PEBP4: variants seen among roughly 807,000 people sequenced by gnomAD.
PEBP4 encodes phosphatidylethanolamine-binding protein 4.
In PEBP4, 22 loss-of-function variants were observed where a neutral mutation model predicts 23.9. The observed-to-expected ratio is 0.92, with a 90% CI of 0.66 to 1.31. PEBP4 has a LOEUF of 1.31. Ranked by LOEUF, PEBP4 falls within the 40% of genes most tolerant of loss-of-function variation. PEBP4 has a pLI of 0.00. For synonymous variants in PEBP4, 112 were observed against 99.3 expected, an observed-to-expected ratio of 1.13 and a Z score of -0.76; for missense variants, 324 against 281.7, an observed-to-expected ratio of 1.15 and a Z score of -1.07.
chr8:22,783,141 T>C (rs1398396284), intron 4 of PEBP4, among the ~76,000 whole-genome samples: 1 of 152,124 alleles, frequency 6.6e-6, no homozygotes, highest in Non-Finnish European at 1.5e-5. Flanking sequence ...TGGGAGAGGG[T>C]TGGGGCAACC....
intron 3 of PEBP4, among the ~76,000 whole-genome samples, chr8:22,818,192 A>C (rs1206735929): frequency 1.3e-5 from 2 of 152,228 alleles, no homozygotes; most frequent in Non-Finnish European, 2.9e-5. Flanking sequence ...TCATCCCTTC[A>C]ACAAGCCTTT....
At chr8:22,904,166 G>T (rs1354903518) in intron 3 of PEBP4, among the ~76,000 whole-genome samples, 1 of 152,138 alleles carries the variant, frequency 6.6e-6, no homozygotes, top group Non-Finnish European at 1.5e-5. Flanking sequence ...AGAAGCAGCA[G>T]GCTGCTTCCC....
At chr8:22,893,917 A>G (rs1340960435) in intron 3 of PEBP4, among the ~76,000 whole-genome samples, 1 of 152,176 alleles carries the variant, frequency 6.6e-6, no homozygotes, top group Non-Finnish European at 1.5e-5. Flanking sequence ...AAATGTCTTA[A>G]TTTGATGAAA....
chr8:22,722,460 C>G (rs1271299483), intron 6 of PEBP4, among the ~76,000 whole-genome samples: 3 of 152,350 alleles, frequency 2.0e-5, no homozygotes, highest in Admixed American at 2.0e-4. Context: ...CCTTTATATC[C>G]TCTCTGGCTG....
At chr8:22,753,246 A>G (rs576439815) in intron 4 of PEBP4, among the ~76,000 whole-genome samples, 5 of 152,282 alleles carry the variant, frequency 3.3e-5, no homozygotes, top group Non-Finnish European at 4.4e-5. Context: ...CCATCCCTAT[A>G]TTCTTAGAGA....
Position 22,775,587 on chromosome 8 carries a change from C to T in PEBP4, c.357+42050G>A, listed in dbSNP as rs1354004441. On this transcript the variant is annotated intron_variant, in intron 4 of 6. Coordinates refer to ENST00000256404, the MANE Select transcript of PEBP4 (RefSeq NM_144962.3). The surrounding 1 kb of genome is among the most constrained non-coding windows in gnomAD (Gnocchi z 4.8). ...CTTTACCCTGTAGGTGTGAGGAATT[C>T]CAATTAAATATGCAGCCTATTTGTC... 6.6e-6 allele frequency among the ~76,000 whole-genome samples: 1 copy of T among 152,074 alleles called. No individual in the cohort carries two copies.
At chr8:22,870,240 ATAT>A (rs914556433) in intron 3 of PEBP4, among the ~76,000 whole-genome samples, 6 of 152,226 alleles carry the variant, frequency 3.9e-5, no homozygotes, top group African/African-American at 1.4e-4. Flanking sequence ...ATGCAATGAA[ATAT>A]TATTCAGCAC....
intron 6 of PEBP4, 92 bp downstream of exon 6, chr8:22,724,751 G>A (rs1338839431): frequency 4.2e-6 from 4 of 956,818 alleles, no homozygotes; most frequent in Non-Finnish European, 6.6e-6. Context: ...ATGAGTGGGG[G>A]TCAAGGCCCC....
chr8:22,801,238 G>C (rs955301985), intron 4 of PEBP4, among the ~76,000 whole-genome samples: 2 of 152,150 alleles, frequency 1.3e-5, no homozygotes, highest in Non-Finnish European at 2.9e-5. Context: ...AGAGACTTCA[G>C]GTTGACAGGC....
intron 4 of PEBP4, among the ~76,000 whole-genome samples, chr8:22,802,301 G>C (rs1806399897): frequency 1.3e-5 from 2 of 152,154 alleles, no homozygotes. Context: ...AAGCCCCTGG[G>C]CCTTCCCACC....
At chr8:22,846,468 G>A (rs933155904) in intron 3 of PEBP4, among the ~76,000 whole-genome samples, 6 of 152,256 alleles carry the variant, frequency 3.9e-5, no homozygotes, top group Admixed American at 2.0e-4. Flanking sequence ...CTGAGAAATC[G>A]CATCAGGTTC....
intron 4 of PEBP4, among the ~76,000 whole-genome samples, chr8:22,741,885 C>T (rs543523861): frequency 1.3e-5 from 2 of 152,290 alleles, no homozygotes; most frequent in South Asian, 4.1e-4. Flanking sequence ...CCCAGCTGTT[C>T]CTGGTGACAG....
intron 4 of PEBP4, among the ~76,000 whole-genome samples, chr8:22,756,239 C>T (rs1161272209): frequency 1.3e-5 from 2 of 152,212 alleles, no homozygotes; most frequent in Non-Finnish European, 2.9e-5. Flanking sequence ...CTCCTTCTGG[C>T]CTCGCAGGGC....
At chr8:22,723,209 T>G (rs1804554682) in intron 6 of PEBP4, among the ~76,000 whole-genome samples, 1 of 151,924 alleles carries the variant, frequency 6.6e-6, no homozygotes, top group African/African-American at 2.4e-5. Context: ...GCCCAGCGCG[T>G]TTTGGCTTCC....
At chr8:22,749,805 CTTTTTTT>C (rs71206545) in intron 4 of PEBP4, among the ~76,000 whole-genome samples, 4 of 83,762 alleles carry the variant, frequency 4.8e-5, no homozygotes, top group East Asian at 3.2e-4. Context: ...GTTTGTCATT[CTTTTTTT>C]TTTTTTTTTT....
intron 6 of PEBP4, among the ~76,000 whole-genome samples, chr8:22,720,234 G>A (rs1223733564): frequency 6.6e-6 from 1 of 152,254 alleles, no homozygotes; most frequent in African/African-American, 2.4e-5. Flanking sequence ...AACAAATGCT[G>A]TGTGAGTGGA....
chr8:22,759,579 T>C (rs992493962), intron 4 of PEBP4, among the ~76,000 whole-genome samples: 9 of 152,144 alleles, frequency 5.9e-5, no homozygotes, highest in African/African-American at 1.9e-4. Flanking sequence ...CTGGAGTCAG[T>C]GGTCCTGCCT....
intron 3 of PEBP4, among the ~76,000 whole-genome samples, chr8:22,849,682 C>T (rs1807511737): frequency 6.6e-6 from 1 of 152,164 alleles, no homozygotes; most frequent in African/African-American, 2.4e-5. Flanking sequence ...GTGTCACCTG[C>T]CATGCTGTCT....
intron 3 of PEBP4, among the ~76,000 whole-genome samples, chr8:22,860,194 A>ATATATACACACATATATG (rs1807744120): frequency 3.1e-5 from 3 of 97,598 alleles, no homozygotes; most frequent in African/African-American, 5.3e-5. Context: ...ATATATATGT[A>ATATATACACACATATATG]TATATATATA....
Sources: gnomAD v4.1 joint callset for allele counts (sites outside exome capture counted in the v4.1 genomes callset) on GRCh38, gnomAD v4.1.1 for gene constraint, Gnocchi (gnomAD v3.1) non-coding constraint, MANE v1.5 for transcripts, NCBI Gene and HGNC (gene_info 2026-07-23, HGNC 2026-07-21) for gene names.